FBXO11: variants seen among roughly 807,000 people sequenced by gnomAD.
FBXO11 encodes F-box only protein 11.
A neutral mutation model predicts 117.0 loss-of-function variants in FBXO11; 13 were observed. The ratio of observed to expected loss-of-function variants is 0.11; its 90% CI spans 0.07 to 0.18. The LOEUF (loss-of-function observed/expected upper bound fraction) is 0.18, where lower values mean the gene tolerates loss of function less well. FBXO11 is among the 10% of genes least tolerant of loss of function. FBXO11 has a pLI of 1.00. For missense variants in FBXO11, 767 were observed against 1,164.4 expected (o/e 0.66, Z 4.97); for synonymous variants, 490 against 380.5 (o/e 1.29, Z -3.35).
At chr2:47,848,936 G>A (rs1673627002) in intron 1 of FBXO11, among the ~76,000 whole-genome samples, 1 of 152,148 alleles carries the variant, frequency 6.6e-6, no homozygotes, top group Non-Finnish European at 1.5e-5. Flanking sequence ...AAAGTTAAGA[G>A]TAGTTTATGG....
chr2:47,829,709 GA>G lies in FBXO11; in HGVS notation c.1398+2639del, dbSNP rs963402862. Reference sequence around the variant, plus strand: ...GGATTAGCACTGTGGTTATGTGAAAGAAAAAAAAAACACCCATCTTTTAAAG... The same window carrying G: ...GGATTAGCACTGTGGTTATGTGAAAGAAAAAAAAACACCCATCTTTTAAAG... On this transcript the variant is annotated intron_variant, in intron 11 of 22. Transcript: ENST00000403359. 2.5e-4 allele frequency among the ~76,000 whole-genome samples: 36 copies of G among 143,836 alleles called. 1 individual carries two copies. The highest frequency in any genetic ancestry group is 9.0e-4 in the Admixed American group (13 of 14,400). 94.4% of individuals were successfully genotyped at this position (143,836 alleles called of 152,430 possible). A position where few individuals can be genotyped will look rare whatever the true frequency, so the allele number is the denominator to read the frequency against.
chr2:47,900,603 TATACACACGTA>T (rs2104060890), intron 1 of FBXO11, among the ~76,000 whole-genome samples: 1 of 110,248 alleles, frequency 9.1e-6, no homozygotes, highest in African/African-American at 3.9e-5. Context: ...TATACACACG[TATACACACGTA>T]TATACACACG....
chr2:47,881,038 AAGTC>A (rs1322180013), intron 1 of FBXO11, among the ~76,000 whole-genome samples: 1 of 152,152 alleles, frequency 6.6e-6, no homozygotes, highest in East Asian at 1.9e-4. Context: ...GCAGATCACA[AAGTC>A]AGGAGTTCAA....
chr2:47,885,610 G>C (rs1676771374), intron 1 of FBXO11, among the ~76,000 whole-genome samples: 1 of 152,114 alleles, frequency 6.6e-6, no homozygotes, highest in Non-Finnish European at 1.5e-5. Context: ...GTGTACATGA[G>C]TTTGTCTAAG....
At chr2:47,818,437 T>C (rs1354532798) in intron 16 of FBXO11, 2 of 199,372 alleles carry the variant, frequency 1.0e-5, no homozygotes, top group African/African-American at 2.3e-5. Flanking sequence ...AGCTTCATTT[T>C]ATTGAGTGCC....
At chr2:47,853,655 A>G (rs965939668) in intron 1 of FBXO11, among the ~76,000 whole-genome samples, 1 of 152,166 alleles carries the variant, frequency 6.6e-6, no homozygotes, top group African/African-American at 2.4e-5. Flanking sequence ...TTTTCAGTTC[A>G]TCTATAAAAT....
At chr2:47,877,934 C>T (rs987750680) in intron 1 of FBXO11, among the ~76,000 whole-genome samples, 2 of 152,172 alleles carry the variant, frequency 1.3e-5, no homozygotes, top group African/African-American at 2.4e-5. Flanking sequence ...CCGCCTGCCT[C>T]GGCCTCCCAA....
At chr2:47,812,721 G>C (rs1670711252) in intron 18 of FBXO11, 3 of 174,344 alleles carry the variant, frequency 1.7e-5, no homozygotes, top group African/African-American at 7.2e-5. Flanking sequence ...CTGTATACAT[G>C]CATCTGTAAG....
At chr2:47,903,679 A>T (rs755891836) in intron 1 of FBXO11, among the ~76,000 whole-genome samples, 2 of 152,222 alleles carry the variant, frequency 1.3e-5, no homozygotes. Flanking sequence ...TCCAATGCTA[A>T]TATTATTAAC....
rs1238405726 is a variant in FBXO11, at chr2:47,905,588, G to A, written c.133C>T (p.Pro45Ser). The part of the protein sequence containing the change: ...PPQQQPPQQQ[P>S]PPPPQQQQQQ... ...TGCTGCTGCTGCGGCGGCGGCGGAGGCTGCTGCTGGGGCGGCTGCTGCTGG... is the reference window on the plus strand; with the variant it reads ...TGCTGCTGCTGCGGCGGCGGCGGAGACTGCTGCTGGGGCGGCTGCTGCTGG... The change falls in exon 1 of 23, where the codon CCT becomes TCT. Residue 45 changes from proline to serine, a missense_variant. Physicochemically the swap from Pro to Ser is moderately conservative, Grantham distance 74 (BLOSUM62 -1). This residue lies in a region of FBXO11 where 355 missense variants were observed against 299.8 expected (regional missense o/e 1.18). Coordinates refer to ENST00000403359, the MANE Select transcript of FBXO11 (RefSeq NM_001190274.2). 2.1e-5 allele frequency: 26 copies of A among 1,261,072 alleles called. No individual in the cohort carries two copies. Among genetic ancestry groups the A allele is most frequent in the Middle Eastern group, 3.0e-4 (1 of 3,304 alleles). The allele number at this position is 1,261,072 out of a possible 1,614,324, so 78.1% of individuals were successfully genotyped here.
intron 1 of FBXO11, among the ~76,000 whole-genome samples, chr2:47,888,010 T>G (rs907361983): frequency 6.6e-6 from 1 of 151,622 alleles, no homozygotes; most frequent in Non-Finnish European, 1.5e-5. Flanking sequence ...GAGTGAAACC[T>G]TGTCTGAAAA....
At chr2:47,820,575 A>C in intron 13 of FBXO11, 119 bp from the exon 14 acceptor site, 1 of 678,078 alleles carries the variant, frequency 1.5e-6, no homozygotes, top group Non-Finnish European at 2.5e-6. Flanking sequence ...ATTACAAGAC[A>C]AAATTAAGAG....
chr2:47,813,193 GA>G, intron 18 of FBXO11, 40 bp downstream of exon 18: 2 of 1,590,684 alleles, frequency 1.3e-6, no homozygotes, highest in Non-Finnish European at 1.7e-6. Context: ...AAGAATAATG[GA>G]AAACTGGATT....
intron 3 of FBXO11, 57 bp downstream of exon 3, chr2:47,839,362 C>A: frequency 6.7e-7 from 1 of 1,482,666 alleles, no homozygotes; most frequent in Admixed American, 2.0e-5. Context: ...TTTTTGGTAT[C>A]AAGCAAAATT....
intron 1 of FBXO11, among the ~76,000 whole-genome samples, chr2:47,842,222 G>A (rs1673068673): frequency 6.6e-6 from 1 of 151,566 alleles, no homozygotes; most frequent in African/African-American, 2.4e-5. Flanking sequence ...CACAATGTTG[G>A]CCAGGATGGT....
intron 1 of FBXO11, among the ~76,000 whole-genome samples, chr2:47,853,628 T>C (rs115877016): frequency 5.7e-4 from 87 of 152,266 alleles, no homozygotes; most frequent in African/African-American, 1.9e-3. Flanking sequence ...CCTCTTTAAC[T>C]TAAGCTCCTC....
At chr2:47,887,653 G>A (rs903244939) in intron 1 of FBXO11, among the ~76,000 whole-genome samples, 2 of 152,098 alleles carry the variant, frequency 1.3e-5, no homozygotes, top group Non-Finnish European at 1.5e-5. Flanking sequence ...TGGAGCCCAG[G>A]AGTTCAAGGC....
chr2:47,869,959 G>T (rs1412866281), intron 1 of FBXO11, among the ~76,000 whole-genome samples: 1 of 152,154 alleles, frequency 6.6e-6, no homozygotes, highest in Admixed American at 6.5e-5. Context: ...TTATAGGAGT[G>T]AGCCACCAAG....
At chr2:47,814,565 G>C (rs537440823) in intron 16 of FBXO11, among the ~76,000 whole-genome samples, 1 of 152,078 alleles carries the variant, frequency 6.6e-6, no homozygotes, top group East Asian at 1.9e-4. Context: ...TTTTTGTAGA[G>C]ATGGAGTTTT....
Sources: allele counts gnomAD v4.1 joint callset (sites outside exome capture counted in the v4.1 genomes callset), GRCh38; gene constraint gnomAD v4.1.1; regional missense constraint gnomAD v4.1.1; transcripts MANE v1.5; gene names NCBI Gene and HGNC (gene_info 2026-07-23, HGNC 2026-07-21).